The following GPC4 variants were observed in gnomAD, a reference collection of about 807,000 sequenced individuals.
The protein encoded by GPC4 is glypican-4.
In GPC4, 10 loss-of-function variants were observed where a neutral mutation model predicts 35.0. The ratio of observed to expected loss-of-function variants is 0.29; its 90% CI spans 0.18 to 0.48. The LOEUF (loss-of-function observed/expected upper bound fraction) is 0.48, where lower values mean the gene tolerates loss of function less well. Among genes scored for constraint, GPC4 ranks in the 20% least tolerant of loss-of-function variants. GPC4 has a pLI of 0.99. For synonymous variants in GPC4, 167 were observed against 170.2 expected, an observed-to-expected ratio of 0.98 and a Z score of 0.15; for missense variants, 322 against 451.3, an observed-to-expected ratio of 0.71 and a Z score of 2.60.
chrX:133,333,975 T>C (rs1464295123), intron 2 of GPC4, among the ~76,000 whole-genome samples: 2 of 112,663 alleles, frequency 1.8e-5, no homozygotes, highest in Non-Finnish European at 3.7e-5. Flanking sequence ...AGTGTGGCTA[T>C]ATAAACGACA....
intron 1 of GPC4, among the ~76,000 whole-genome samples, chrX:133,400,499 A>C (rs1160702524): frequency 8.9e-6 from 1 of 112,450 alleles, no homozygotes; most frequent in Admixed American, 9.4e-5. Flanking sequence ...TTAGACTGTG[A>C]GCTCCATAAG....
At chrX:133,391,239 A>T (rs745405489) in intron 1 of GPC4, among the ~76,000 whole-genome samples, 67 of 112,102 alleles carry the variant, frequency 6.0e-4, no homozygotes, top group African/African-American at 2.1e-3. Context: ...AGGCCATGCA[A>T]CAAACATCCC....
chrX:133,315,243 G>T (rs1331705048), intron 3 of GPC4, among the ~76,000 whole-genome samples: 2 of 109,971 alleles, frequency 1.8e-5, no homozygotes, highest in African/African-American at 6.6e-5. Context: ...AAAAGTTTCA[G>T]ATTTAGAGCA....
intron 1 of GPC4, among the ~76,000 whole-genome samples, chrX:133,363,422 T>C (rs113531538): frequency 1.8e-5 from 2 of 111,300 alleles, no homozygotes; most frequent in East Asian, 2.8e-4. Flanking sequence ...GAAAAGGATA[T>C]ACAGTTTTTC....
At chrX:133,387,739 T>C (rs1395909262) in intron 1 of GPC4, among the ~76,000 whole-genome samples, 6 of 111,848 alleles carry the variant, frequency 5.4e-5, no homozygotes, top group Non-Finnish European at 3.8e-5. Context: ...TTCATAATCA[T>C]ACTTCGAAAT....
chrX:133,378,597 A>G (rs1159004142), intron 1 of GPC4, among the ~76,000 whole-genome samples: 2 of 109,409 alleles, frequency 1.8e-5, no homozygotes, highest in Non-Finnish European at 3.8e-5. Context: ...AGAAAAAAAA[A>G]AAAAAAGAAA....
intron 2 of GPC4, among the ~76,000 whole-genome samples, chrX:133,338,578 G>A: frequency 8.9e-6 from 1 of 111,770 alleles, no homozygotes; most frequent in Non-Finnish European, 1.9e-5. Flanking sequence ...TCTGGCATAG[G>A]TGATTAGAAT....
rs781164122 is a variant in GPC4 at position 133,324,211 on chromosome X, A to C, written c.645T>G (p.Phe215Leu). Residue 215 changes from phenylalanine to leucine, a missense_variant, in exon 3 of 9, where the codon TTT (phenylalanine) becomes TTG (leucine). Physicochemically the swap from Phe to Leu is conservative, Grantham distance 22. Transcript: ENST00000370828. ...CTTGAGCGAAAGTACGGGCTGCTAC[A>C]AAAGCACGAGTAACCTGGAGCTTCA... is the stretch of plus-strand genomic sequence containing the variant. Reference protein sequence around the residue: ...RKLKLQVTRAFVAARTFAQGL... With the variant: ...RKLKLQVTRALVAARTFAQGL... 8.3e-7 allele frequency: 1 copy of C among 1,210,022 alleles called. No homozygotes were observed. Among genetic ancestry groups the C allele is most frequent in the South Asian group, 1.8e-5 (1 of 56,716 alleles).
intron 1 of GPC4, among the ~76,000 whole-genome samples, chrX:133,347,793 GGA>G (rs201014259): frequency 0.044 from 4,884 of 111,763 alleles, 246 homozygotes; most frequent in African/African-American, 0.15. Context: ...TCCAAAGCCT[GGA>G]GTCATCTGAC....
intron 1 of GPC4, among the ~76,000 whole-genome samples, chrX:133,405,361 C>G (rs1169168179): frequency 8.9e-6 from 1 of 111,752 alleles, no homozygotes; most frequent in Non-Finnish European, 1.9e-5. Context: ...CCTTGGCCTC[C>G]CAAAGTGCTG....
intron 1 of GPC4, among the ~76,000 whole-genome samples, chrX:133,339,590 T>A (rs1029610234): frequency 1.8e-5 from 2 of 112,040 alleles, no homozygotes; most frequent in Admixed American, 9.5e-5. Context: ...GGAAAACTGG[T>A]GTAGTCAATA....
chrX:133,310,382 T>G (rs1276203418), intron 4 of GPC4, among the ~76,000 whole-genome samples: 1 of 112,081 alleles, frequency 8.9e-6, no homozygotes, highest in Non-Finnish European at 1.9e-5. Flanking sequence ...TCAACACTGG[T>G]TACTGTTGCT....
Position 133,384,989 on chromosome X carries a change from C to T in GPC4, c.160+29817G>A, listed in dbSNP as rs188872903. Among the ~76,000 whole-genome samples, 7 of 112,085 alleles carry T rather than the reference C, an allele frequency of 6.2e-5. No individual in the cohort carries two copies. The East Asian group carries it at 2.0e-3, about 31-fold the overall frequency. The stretch of plus-strand genomic sequence containing the variant: ...AGCCAGAGAACCCTAAATCAGGACT[C>T]ATAATGAACTCACATCTGTTTGTAC... On this transcript the variant is annotated intron_variant, in intron 1 of 8. Coordinates refer to ENST00000370828, the MANE Select transcript of GPC4 (RefSeq NM_001448.3).
intron 1 of GPC4, among the ~76,000 whole-genome samples, chrX:133,377,912 T>TGG (rs2068642602): frequency 9.9e-6 from 1 of 100,934 alleles, no homozygotes. Context: ...TTTTTGCTTT[T>TGG]GATTCAGGCT....
At chrX:133,333,462 A>C (rs1435999197) in intron 2 of GPC4, among the ~76,000 whole-genome samples, 1 of 112,923 alleles carries the variant, frequency 8.9e-6, no homozygotes, top group Admixed American at 9.3e-5. Flanking sequence ...ATAACAACTC[A>C]AAAGGCAGAA....
chrX:133,362,564 T>C (rs2068573738), intron 1 of GPC4, among the ~76,000 whole-genome samples: 1 of 111,619 alleles, frequency 9.0e-6, no homozygotes, highest in Non-Finnish European at 1.9e-5. Context: ...TTGGGGATCA[T>C]TTCTTTAGAA....
At chrX:133,311,472 G>A (rs1008972171) in intron 3 of GPC4, 49 bp from the exon 4 acceptor site, 1 of 1,108,721 alleles carries the variant, frequency 9.0e-7, no homozygotes, top group Non-Finnish European at 1.2e-6. Flanking sequence ...CTAAAATAGA[G>A]ACAGAAATTG....
intron 1 of GPC4, among the ~76,000 whole-genome samples, chrX:133,353,418 C>T (rs1437717398): frequency 8.9e-6 from 1 of 111,970 alleles, no homozygotes; most frequent in Non-Finnish European, 1.9e-5. Context: ...AGCTTGAGAC[C>T]GGATGCTCAC....
chrX:133,410,495 C>T (rs1428586737), intron 1 of GPC4, among the ~76,000 whole-genome samples: 2 of 111,846 alleles, frequency 1.8e-5, no homozygotes, highest in Non-Finnish European at 3.8e-5. Flanking sequence ...TCAATAGCTA[C>T]GAACTCTTAT....
Sources: allele counts gnomAD v4.1 joint callset (sites outside exome capture counted in the v4.1 genomes callset), GRCh38; gene constraint gnomAD v4.1.1; transcripts MANE v1.5; gene names NCBI Gene and HGNC (gene_info 2026-07-23, HGNC 2026-07-21).